The following TTC21B variants were observed in gnomAD, a reference collection of about 807,000 sequenced individuals.
The protein encoded by TTC21B is tetratricopeptide repeat protein 21B.
Under a neutral mutation model 175.1 loss-of-function variants are expected in TTC21B, and 127 were observed. The observed-to-expected ratio is 0.73, with a 90% CI of 0.63 to 0.84. The LOEUF (loss-of-function observed/expected upper bound fraction) is 0.84. Among genes scored for constraint, TTC21B ranks in the 40% least tolerant of loss-of-function variants. The pLI is 0.00. For missense variants in TTC21B, 1,561 were observed against 1,558.3 expected (o/e 1.00, Z -0.03); for synonymous variants, 524 against 524.5 (o/e 1.00, Z 0.01).
In TTC21B at chr2:165,912,192, T is replaced by C. The variant is rs111665980; in HGVS notation, c.2322+322A>G. Among the ~76,000 whole-genome samples, 133 of 152,188 alleles carry C rather than the reference T, an allele frequency of 8.7e-4. 1 individual carries two copies. Among genetic ancestry groups the C allele is most frequent in the African/African-American group, 3.0e-3 (123 of 41,528 alleles). On this transcript the variant is annotated intron_variant, in intron 17 of 28. Coordinates refer to ENST00000243344, the MANE Select transcript of TTC21B (RefSeq NM_024753.5). ...ACTCAAAACACATAGCTTGCAAAAA[T>C]TGGTGCAACAGAAAGAACATTTATC...
chr2:165,949,525 A>G (rs1395312500), intron 2 of TTC21B, 21 bp from the exon 3 acceptor site: 1 of 1,613,564 alleles, frequency 6.2e-7, no homozygotes, highest in Non-Finnish European at 8.5e-7. Flanking sequence ...AGATTATGAT[A>G]TGAAAAACTG....
chr2:165,941,164 G>A lies in TTC21B; in HGVS notation c.573C>T (p.Arg191=), dbSNP rs1256873596. ...TCTCCAGGGCACCTGAATAATTCTG[G>A]CGCATCTCAAGGCATTGTGCCTAAT... ...LLGKAQCLEM[R]QNYSGALETV... Residue 191 remains arginine, a synonymous_variant, in exon 6 of 29, where the codon CGC becomes CGT. Transcript: ENST00000243344. 5.0e-6 allele frequency: 8 copies of A among 1,613,904 alleles called. No homozygotes were observed. The highest frequency in any genetic ancestry group is 5.1e-6 in the Non-Finnish European group (6 of 1,179,846).
At chr2:165,918,829 C>CA (rs1686280895) in intron 13 of TTC21B, among the ~76,000 whole-genome samples, 1 of 152,086 alleles carries the variant, frequency 6.6e-6, no homozygotes, top group Non-Finnish European at 1.5e-5. Context: ...AAATTACTTT[C>CA]AAAATGACAA....
rs187602636 is a variant in TTC21B at position 165,899,200 on chromosome 2, T to C, written c.2869-433A>G. The stretch of plus-strand genomic sequence containing the variant: ...TGAGCAAGACCTACTGACATTTTTC[T>C]TATTATGTGTTTAAAAATGCAGATT... On this transcript the variant is annotated intron_variant, in intron 21 of 28. Transcript: ENST00000243344. Among the ~76,000 whole-genome samples, 5 of 152,328 alleles carry C rather than the reference T, an allele frequency of 3.3e-5. No homozygotes were observed. The East Asian group carries it at 9.6e-4, about 29-fold the overall frequency.
At position 165,930,290 on chromosome 2, in the gene TTC21B, T is replaced by C. The variant is rs766251007; in HGVS notation, c.969A>G (p.Gln323=). 5 of 1,613,276 alleles carry C rather than the reference T, an allele frequency of 3.1e-6. No homozygotes were observed. Among genetic ancestry groups the C allele is most frequent in the Admixed American group, 1.7e-5 (1 of 59,950 alleles). The change falls in exon 9 of 29, where the codon CAA becomes CAG. Residue 323 remains glutamine (Q), a synonymous_variant. Transcript: ENST00000243344. Reference sequence around the variant, plus strand: ...ATCCAAGTTCTGTAGCAAATTCTGATTGCTGAGGGTTTAAACTAAAAGCTC... The same window carrying C: ...ATCCAAGTTCTGTAGCAAATTCTGACTGCTGAGGGTTTAAACTAAAAGCTC... The part of the protein sequence containing the change: ...LERAFSLNPQ[Q]SEFATELGYQ...
At chr2:165,942,172 CA>C (rs1485779458) in intron 5 of TTC21B, among the ~76,000 whole-genome samples, 1 of 152,112 alleles carries the variant, frequency 6.6e-6, no homozygotes, top group Admixed American at 6.5e-5. Context: ...ACTGTCCACA[CA>C]AAGTGACAGG....
chr2:165,888,118 G>A (rs541534825), intron 25 of TTC21B, among the ~76,000 whole-genome samples, 161 bp downstream of exon 25: 19 of 152,252 alleles, frequency 1.2e-4, no homozygotes, highest in African/African-American at 4.3e-4. Flanking sequence ...CGTCTCTTCC[G>A]CCAAGAAGGG....
At chr2:165,883,253 T>C (rs1294101636) in intron 26 of TTC21B, among the ~76,000 whole-genome samples, 1 of 152,168 alleles carries the variant, frequency 6.6e-6, no homozygotes, top group East Asian at 1.9e-4. Context: ...ATCAAAATGT[T>C]AGTAAAAAGC....
intron 12 of TTC21B, among the ~76,000 whole-genome samples, chr2:165,920,851 CCT>C (rs1686378291): frequency 8.2e-6 from 1 of 122,628 alleles, no homozygotes; most frequent in Admixed American, 8.3e-5. Flanking sequence ...GAAAATAGAC[CCT>C]GTCACCAGAG....
intron 28 of TTC21B, 67 bp downstream of exon 28, chr2:165,876,098 G>A: frequency 1.1e-6 from 1 of 906,564 alleles, no homozygotes; most frequent in Non-Finnish European, 1.8e-6. Flanking sequence ...ACATACATCT[G>A]GAGATTTAAA....
chr2:165,912,779 G>C lies in TTC21B; in HGVS notation c.2212-155C>G, dbSNP rs187905434. ...GGAACTTTAACAATTTCAAAAAGGT[G>C]ATAAATGAGAAAAGCAGGTATGGAT... On this transcript the variant is annotated intron_variant, in intron 16 of 28. Coordinates refer to ENST00000243344, the MANE Select transcript of TTC21B (RefSeq NM_024753.5). Among the ~76,000 whole-genome samples, 277 of 152,284 alleles carry C rather than the reference G, an allele frequency of 1.8e-3. 1 individual carries two copies. Among genetic ancestry groups the C allele is most frequent in the Non-Finnish European group, 2.5e-3 (173 of 68,024 alleles).
At chr2:165,899,746 T>C in intron 21 of TTC21B, 24 bp downstream of exon 21, 3 of 1,473,592 alleles carry the variant, frequency 2.0e-6, no homozygotes, top group Non-Finnish European at 2.9e-6. Context: ...GTGCTTTTAT[T>C]GTACTGAAGT....
chr2:165,874,924 A>C, intron 28 of TTC21B, 92 bp from the exon 29 acceptor site: 1 of 1,150,814 alleles, frequency 8.7e-7, no homozygotes, highest in Non-Finnish European at 1.3e-6. Flanking sequence ...CATTACAGTT[A>C]AGATTTCCTT....
intron 6 of TTC21B, chr2:165,933,941 G>C (rs917924891): frequency 3.9e-5 from 6 of 152,078 alleles, no homozygotes; most frequent in African/African-American, 1.2e-4. Context: ...TTGTGAGTCT[G>C]GGGGAAACAC....
At chr2:165,891,343 G>A (rs1461021419) in intron 22 of TTC21B, among the ~76,000 whole-genome samples, 1 of 152,092 alleles carries the variant, frequency 6.6e-6, no homozygotes, top group African/African-American at 2.4e-5. Context: ...TAATTGCACA[G>A]GACAAGTTCA....
intron 18 of TTC21B, among the ~76,000 whole-genome samples, chr2:165,908,688 G>A (rs79125928): frequency 0.012 from 1,819 of 152,152 alleles, 37 homozygotes; most frequent in African/African-American, 0.041. Flanking sequence ...TGTATGAAAC[G>A]TATATGAAGG....
At chr2:165,925,440 T>G (rs986788426) in intron 11 of TTC21B, among the ~76,000 whole-genome samples, 1 of 152,186 alleles carries the variant, frequency 6.6e-6, no homozygotes, top group African/African-American at 2.4e-5. Context: ...TCCTCCTGCT[T>G]TGCCTTACTA....
chr2:165,915,484 C>G (rs747833218), intron 14 of TTC21B, 45 bp from the exon 15 acceptor site: 2 of 1,383,872 alleles, frequency 1.4e-6, no homozygotes, highest in South Asian at 2.3e-5. Context: ...AAATAGTGAA[C>G]AAATAACACT....
intron 25 of TTC21B, among the ~76,000 whole-genome samples, chr2:165,887,458 A>G (rs2105288300): frequency 6.6e-6 from 1 of 152,144 alleles, no homozygotes; most frequent in African/African-American, 2.4e-5. Flanking sequence ...GGAGGCCGAG[A>G]TAGGCGGATC....
Sources: gnomAD v4.1 joint callset for allele counts (sites outside exome capture counted in the v4.1 genomes callset) on GRCh38, gnomAD v4.1.1 for gene constraint, MANE v1.5 for transcripts, NCBI Gene and HGNC (gene_info 2026-07-23, HGNC 2026-07-21) for gene names.